The following SNX29 variants were observed in gnomAD, a reference collection of about 807,000 sequenced individuals.
SNX29 encodes sorting nexin-29.
In SNX29, 78 loss-of-function variants were observed where a neutral mutation model predicts 102.1. The ratio of observed to expected loss-of-function variants is 0.76; its 90% CI spans 0.64 to 0.92. The LOEUF (loss-of-function observed/expected upper bound fraction) is 0.92, where lower values mean the gene tolerates loss of function less well. Ranked by LOEUF, SNX29 falls within the 40% of genes least tolerant of loss-of-function variation. The pLI is 0.00. For missense variants in SNX29, 1,280 were observed against 1,061.7 expected (o/e 1.21, Z -2.86); for synonymous variants, 580 against 414.5 (o/e 1.40, Z -4.85).
At chr16:12,060,710 C>A (rs771383835) in intron 8 of SNX29, 14 of 452,880 alleles carry the variant, frequency 3.1e-5, no homozygotes, top group Non-Finnish European at 5.8e-5. Context: ...TGCAAAAATA[C>A]CTCCAGGTAT....
At position 12,512,135 on chromosome 16, in the gene SNX29, AC is replaced by A. The variant is rs537298264; in HGVS notation, c.2179-12565del. On this transcript the variant is annotated intron_variant, in intron 19 of 20. Coordinates refer to ENST00000566228, the MANE Select transcript of SNX29 (RefSeq NM_032167.5). ...TTCTGGCTTCGTGGTACAGGCAGCA[AC>A]CAGCTGTCCCCCAGGGGATGTAGGG... is the stretch of plus-strand genomic sequence containing the variant. Among the ~76,000 whole-genome samples the A allele has an allele frequency of 4.6e-4, 70 of 151,666 alleles. No individual in the cohort carries two copies. The East Asian group carries it at 0.013, about 28-fold the overall frequency.
At chr16:12,339,478 C>G (rs953968332) in intron 15 of SNX29, among the ~76,000 whole-genome samples, 25 of 150,880 alleles carry the variant, frequency 1.7e-4, no homozygotes, top group African/African-American at 5.6e-4. Flanking sequence ...AGTCAGGACT[C>G]TAATCCAAAT....
intron 20 of SNX29, among the ~76,000 whole-genome samples, chr16:12,556,950 T>TCGAG (rs1555458172): frequency 1.2e-4 from 18 of 148,988 alleles, no homozygotes; most frequent in Non-Finnish European, 2.5e-4. Context: ...CCGCTCAGGC[T>TCGAG]CAGTCTTCCC....
intron 18 of SNX29, among the ~76,000 whole-genome samples, chr16:12,420,832 C>G (rs1425384665): frequency 6.6e-6 from 1 of 152,130 alleles, no homozygotes; most frequent in Non-Finnish European, 1.5e-5. Context: ...GTCTCGCCCA[C>G]AAGGCCCCAT....
intron 11 of SNX29, among the ~76,000 whole-genome samples, chr16:12,109,392 C>T (rs565447508): frequency 3.5e-4 from 53 of 152,240 alleles, no homozygotes; most frequent in South Asian, 2.1e-3. Flanking sequence ...TTAACTCATT[C>T]ATCCATGAGT....
At chr16:12,446,522 C>T (rs1161157771) in intron 18 of SNX29, among the ~76,000 whole-genome samples, 1 of 152,106 alleles carries the variant, frequency 6.6e-6, no homozygotes, top group Non-Finnish European at 1.5e-5. Flanking sequence ...CAAGAGGGAC[C>T]CACTGTGTGC....
chr16:12,298,658 ACT>A (rs897276357), intron 15 of SNX29, among the ~76,000 whole-genome samples: 4 of 152,080 alleles, frequency 2.6e-5, no homozygotes, highest in African/African-American at 9.7e-5. Context: ...GACAGAAAAT[ACT>A]CTCTTACTTT....
At chr16:12,197,245 A>G (rs12445231) in intron 13 of SNX29, among the ~76,000 whole-genome samples, 136,849 of 152,088 alleles carry the variant, frequency 0.9, 63,349 homozygotes, top group East Asian at 1. Flanking sequence ...TGGGCTGGGC[A>G]ATGAGGCTCT....
At chr16:12,148,893 G>A (rs976831116) in intron 13 of SNX29, among the ~76,000 whole-genome samples, 3 of 151,878 alleles carry the variant, frequency 2.0e-5, no homozygotes, top group African/African-American at 4.8e-5. Flanking sequence ...GTAGAGACAG[G>A]GTTTCTCCAT....
intron 15 of SNX29, among the ~76,000 whole-genome samples, chr16:12,328,208 T>C (rs960033302): frequency 1.5e-4 from 23 of 152,234 alleles, no homozygotes; most frequent in Non-Finnish European, 2.6e-4. Flanking sequence ...AGTTGTTCTT[T>C]TATCCTAGCT....
intron 19 of SNX29, among the ~76,000 whole-genome samples, chr16:12,502,058 A>T (rs572836487): frequency 3.3e-4 from 51 of 152,300 alleles, no homozygotes; most frequent in African/African-American, 1.2e-3. Flanking sequence ...GTTCTTGGTG[A>T]GAACATGGGA....
At chr16:12,280,166 T>A (rs773374893) in intron 15 of SNX29, among the ~76,000 whole-genome samples, 5 of 152,208 alleles carry the variant, frequency 3.3e-5, no homozygotes, top group African/African-American at 4.8e-5. Context: ...GCCTGCTTTC[T>A]GCATCAGAAA....
At chr16:12,548,153 C>T (rs764151584) in intron 20 of SNX29, among the ~76,000 whole-genome samples, 17 of 152,214 alleles carry the variant, frequency 1.1e-4, no homozygotes, top group African/African-American at 4.1e-4. Context: ...GTTCATTCTT[C>T]ATCTTGGCCA....
intron 18 of SNX29, among the ~76,000 whole-genome samples, chr16:12,462,053 A>G (rs984872191): frequency 9.3e-5 from 13 of 139,276 alleles, no homozygotes; most frequent in African/African-American, 3.5e-4. Flanking sequence ...ACTCTTATAT[A>G]TGAGAAAATA....
intron 4 of SNX29, among the ~76,000 whole-genome samples, chr16:12,037,791 G>GA (rs3971422): frequency 5.2e-3 from 730 of 140,270 alleles, no homozygotes; most frequent in Middle Eastern, 0.015. Context: ...CGTCTCTACA[G>GA]AAAAAAAAAA....
chr16:12,398,052 A>C (rs2083782368), intron 16 of SNX29, among the ~76,000 whole-genome samples: 1 of 152,136 alleles, frequency 6.6e-6, no homozygotes, highest in East Asian at 1.9e-4. Flanking sequence ...GTGTTTACCT[A>C]CTGGGTGTGT....
chr16:12,247,002 C>T (rs958381323), intron 14 of SNX29, among the ~76,000 whole-genome samples: 4 of 152,164 alleles, frequency 2.6e-5, no homozygotes, highest in African/African-American at 9.7e-5. Context: ...GTTGCTAGAA[C>T]TCAGAGAGTG....
chr16:12,048,233 C>A, intron 6 of SNX29, 139 bp from the exon 7 acceptor site: 1 of 1,261,850 alleles, frequency 7.9e-7, no homozygotes, highest in Non-Finnish European at 1.1e-6. Context: ...CTGCAACGTC[C>A]GCATGGGAGG....
chr16:12,072,279 A>T (rs1363417355), intron 10 of SNX29, among the ~76,000 whole-genome samples: 1 of 152,178 alleles, frequency 6.6e-6, no homozygotes, highest in Admixed American at 6.5e-5. Flanking sequence ...GTTTTTGCCC[A>T]TTCAGTATGA....
Sources: gnomAD v4.1 joint callset for allele counts (sites outside exome capture counted in the v4.1 genomes callset) on GRCh38, gnomAD v4.1.1 for gene constraint, MANE v1.5 for transcripts, NCBI Gene and HGNC (gene_info 2026-07-23, HGNC 2026-07-21) for gene names.